The following KIAA2012 variants were observed in gnomAD, a reference collection of about 807,000 sequenced individuals.
The protein encoded by KIAA2012 is KIAA2012, also known as uncharacterized protein KIAA2012.
In KIAA2012, 125 loss-of-function variants were observed where a neutral mutation model predicts 150.6. The observed-to-expected ratio is 0.83, with a 90% CI of 0.72 to 0.96. The LOEUF is 0.96. Among genes scored for constraint, KIAA2012 ranks in the 40% least tolerant of loss-of-function variants. The pLI is 0.00. For missense variants in KIAA2012, 1,219 were observed against 1,354.9 expected, an observed-to-expected ratio of 0.90 and a Z score of 1.57; for synonymous variants, 462 against 504.7, an observed-to-expected ratio of 0.92 and a Z score of 1.13.
At chr2:202,144,062 CT>C (rs1281027732) in intron 13 of KIAA2012, among the ~76,000 whole-genome samples, 5 of 152,220 alleles carry the variant, frequency 3.3e-5, no homozygotes, top group African/African-American at 1.2e-4. Flanking sequence ...GATTGCATCT[CT>C]TTGTTTAAAA....
chr2:202,200,521 C>T (rs903236737), intron 22 of KIAA2012, among the ~76,000 whole-genome samples: 1 of 152,004 alleles, frequency 6.6e-6, no homozygotes, highest in African/African-American at 2.4e-5. Flanking sequence ...AGGAAATTGG[C>T]TTTCGGTCCT....
intron 17 of KIAA2012, among the ~76,000 whole-genome samples, chr2:202,187,819 G>A (rs1468824793): frequency 2.0e-5 from 3 of 152,112 alleles, no homozygotes; most frequent in Admixed American, 2.0e-4. Context: ...CATTAATCAT[G>A]GCAACACCAA....
chr2:202,174,605 G>A (rs908724229), intron 15 of KIAA2012, among the ~76,000 whole-genome samples: 2 of 152,118 alleles, frequency 1.3e-5, no homozygotes, highest in African/African-American at 4.8e-5. Flanking sequence ...TTGTTATTAT[G>A]GAAAACTGCA....
intron 12 of KIAA2012, among the ~76,000 whole-genome samples, chr2:202,134,908 T>C (rs931608516): frequency 2.0e-5 from 3 of 152,250 alleles, no homozygotes; most frequent in Non-Finnish European, 2.9e-5. Context: ...GAATTAAACA[T>C]AGCCAATGCA....
chr2:202,184,582 A>G (rs980495618), intron 15 of KIAA2012, among the ~76,000 whole-genome samples, 171 bp from the exon 16 acceptor site: 2 of 152,122 alleles, frequency 1.3e-5, no homozygotes, highest in Non-Finnish European at 2.9e-5. Context: ...GTTACTTGCC[A>G]TGTGTCAGCC....
chr2:202,171,847 C>CTTTTTT (rs60916677), intron 15 of KIAA2012, among the ~76,000 whole-genome samples: 6 of 116,696 alleles, frequency 5.1e-5, no homozygotes, highest in African/African-American at 6.8e-5. Flanking sequence ...TTGGCATTTA[C>CTTTTTT]TTTTTTTTTT....
chr2:202,128,535 G>A (rs1690850955), intron 12 of KIAA2012, among the ~76,000 whole-genome samples: 1 of 151,954 alleles, frequency 6.6e-6, no homozygotes, highest in South Asian at 2.1e-4. Flanking sequence ...GCATCTCAAA[G>A]TGCTGGGATT....
chr2:202,109,685 C>A lies in KIAA2012; in HGVS notation c.1547C>A (p.Pro516His). 1 of 1,550,684 alleles carries A rather than the reference C, an allele frequency of 6.4e-7. No individual in the cohort carries two copies. Among genetic ancestry groups the A allele is most frequent in the Non-Finnish European group, 8.7e-7 (1 of 1,146,998 alleles). The change falls in exon 10 of 24, where the codon CCT becomes CAT. Residue 516 changes from proline to histidine, a missense_variant. Physicochemically the swap from Pro to His is moderately conservative, Grantham distance 77. Transcript: ENST00000498697. ...CCCCCGATTAAAGGAAAAAAAAGTC[C>A]TGAGAGCCAGAAGGGCGTGGACAGC... ...LLPPIKGKKS[P>H]ESQKGVDSPR...
intron 2 of KIAA2012, chr2:202,077,190 G>A: frequency 5.3e-6 from 2 of 377,306 alleles, no homozygotes; most frequent in Non-Finnish European, 5.3e-6. Flanking sequence ...CCCCCCAGCT[G>A]TTTGGCTTCT....
In KIAA2012 at chr2:202,073,533, C is replaced by A; in HGVS notation, c.-95C>A. The A allele has an allele frequency of 9.3e-7, 1 of 1,077,950 alleles. No individual in the cohort carries two copies. Among genetic ancestry groups the A allele is most frequent in the Non-Finnish European group, 1.4e-6 (1 of 738,856 alleles). The allele number at this position is 1,077,950 out of a possible 1,614,324, so 66.8% of individuals were successfully genotyped here. On this transcript the variant is annotated 5_prime_UTR_variant, in exon 1 of 24. Transcript: ENST00000498697. ...GCCCTGTGTTTGTGGTCTTCTTGGG[C>A]TTGCTGTGAGCTCTGGAAATCTTGA...
At chr2:202,141,561 A>C (rs757506119) in intron 13 of KIAA2012, among the ~76,000 whole-genome samples, 19 of 152,218 alleles carry the variant, frequency 1.2e-4, no homozygotes, top group Non-Finnish European at 2.2e-4. Context: ...TTGCATATTA[A>C]TAGCTGCATA....
In KIAA2012 at chr2:202,205,135, A is replaced by G. The variant is rs954176734; in HGVS notation, c.*158A>G. Reference sequence around the variant, plus strand: ...TATCAGCACTGCTAACCAGATAAGCACACATTTAAGTTAACCATATCAGAG... The same window carrying G: ...TATCAGCACTGCTAACCAGATAAGCGCACATTTAAGTTAACCATATCAGAG... On this transcript the variant is annotated 3_prime_UTR_variant, in exon 24 of 24. Transcript: ENST00000498697. The G allele has an allele frequency of 1.3e-5, 2 of 152,248 alleles. No homozygotes were observed. The highest frequency in any genetic ancestry group is 3.2e-3 in the Middle Eastern group (1 of 316). 9.4% of individuals were successfully genotyped at this position (152,248 alleles called of 1,614,324 possible).
intron 11 of KIAA2012, chr2:202,114,807 A>G (rs1446169472): frequency 6.1e-6 from 1 of 163,070 alleles, no homozygotes; most frequent in Non-Finnish European, 1.5e-5. Context: ...AAATGAAGAC[A>G]TGCCTGCCAT....
At chr2:202,094,875 T>C (rs1188603172) in intron 4 of KIAA2012, among the ~76,000 whole-genome samples, 1 of 152,176 alleles carries the variant, frequency 6.6e-6, no homozygotes, top group Non-Finnish European at 1.5e-5. Context: ...ATAAAGTGAC[T>C]TTCCTAATTG....
intron 17 of KIAA2012, 101 bp downstream of exon 17, chr2:202,187,199 C>T (rs1461602807): frequency 2.3e-6 from 3 of 1,304,688 alleles, no homozygotes; most frequent in African/African-American, 1.5e-5. Context: ...TGAGGGCACC[C>T]GATAAAGGGG....
chr2:202,120,032 G>A (rs1690621199), intron 11 of KIAA2012, among the ~76,000 whole-genome samples: 1 of 152,206 alleles, frequency 6.6e-6, no homozygotes, highest in Non-Finnish European at 1.5e-5. Flanking sequence ...TGCTATCCAT[G>A]TAAGATGTGA....
At position 202,196,951 on chromosome 2, in the gene KIAA2012, G is replaced by A. The variant is rs896496155; in HGVS notation, c.3339G>A (p.Arg1113=). 5 of 1,550,460 alleles carry A rather than the reference G, an allele frequency of 3.2e-6. No individual in the cohort carries two copies. The highest frequency in any genetic ancestry group is 4.4e-6 in the Non-Finnish European group (5 of 1,146,962). The change falls in exon 22 of 24, where the codon AGG becomes AGA. Residue 1113 remains arginine, a synonymous_variant. Coordinates refer to ENST00000498697, the MANE Select transcript of KIAA2012 (RefSeq NM_001277372.4). ...EKARLEAEER[R]QKEEEAARLA... is the part of the protein sequence containing the mutation. ...CTCGGCTGGAGGCAGAGGAGAGGAG[G>A]CAAAAAGAAGAGGAAGCAGCAAGAC...
intron 22 of KIAA2012, chr2:202,201,266 CCAA>C (rs1353592297): frequency 3.2e-5 from 49 of 1,549,392 alleles, no homozygotes; most frequent in Non-Finnish European, 4.1e-5. Context: ...GAAAGACATC[CCAA>C]CAACATGTGT....
At chr2:202,079,387 A>G (rs180916550) in intron 2 of KIAA2012, among the ~76,000 whole-genome samples, 1 of 152,302 alleles carries the variant, frequency 6.6e-6, no homozygotes, top group East Asian at 1.9e-4. Context: ...GTAGAGTAAT[A>G]GTGCTGCTCA....
Sources: gnomAD v4.1 joint callset for allele counts (sites outside exome capture counted in the v4.1 genomes callset) on GRCh38, gnomAD v4.1.1 for gene constraint, MANE v1.5 for transcripts, NCBI Gene and HGNC (gene_info 2026-07-23, HGNC 2026-07-21) for gene names.